SYNE2: variants seen among roughly 807,000 people sequenced by gnomAD.
SYNE2 encodes nesprin-2.
In SYNE2, 431 loss-of-function variants were observed where a neutral mutation model predicts 856.3. The observed-to-expected ratio is 0.50, with a 90% CI of 0.47 to 0.55. The LOEUF is 0.55. Ranked by LOEUF, SYNE2 falls within the 20% of genes least tolerant of loss-of-function variation. SYNE2 has a pLI of 0.00. For synonymous variants in SYNE2, 2,923 were observed against 2,872.3 expected (o/e 1.02, Z -0.56); for missense variants, 8,129 against 8,023.2 (o/e 1.01, Z -0.50).
At position 63,980,714 on chromosome 14, in the gene SYNE2, G is replaced by A. The variant is rs1384422829; in HGVS notation, c.1630G>A (p.Glu544Lys). ...TGATACTTCTTTTCAAAAATGTGGA[G>A]AAATTTATAAGAATTTGGGTAAAGT... ...RLDTSFQKCGEIYKNLAGECQ... is the reference protein window; with the variant it reads ...RLDTSFQKCGKIYKNLAGECQ... The change falls in exon 15 of 116, where the codon GAA becomes AAA. Residue 544 changes from glutamate (E) to lysine (K), a missense_variant. Physicochemically the swap from Glu to Lys is moderately conservative, Grantham distance 56 (BLOSUM62 1). Around this residue, in one of 3 missense-constraint regions of SYNE2, gnomAD observed 2,422 missense variants for 2,357.4 expected, o/e 1.03. Transcript: ENST00000555002. 1 of 1,603,968 alleles carries A rather than the reference G, an allele frequency of 6.2e-7. No individual in the cohort carries two copies. Among genetic ancestry groups the A allele is most frequent in the South Asian group, 1.1e-5 (1 of 90,784 alleles).
intron 1 of SYNE2, among the ~76,000 whole-genome samples, chr14:63,791,311 T>A (rs930238515): frequency 1.3e-5 from 2 of 152,166 alleles, no homozygotes; most frequent in African/African-American, 4.8e-5. Context: ...ATCCTCCTCA[T>A]TACTGTTAGA....
intron 34 of SYNE2, 65 bp downstream of exon 34, chr14:64,017,821 A>G (rs953217759): frequency 9.9e-6 from 15 of 1,517,516 alleles, no homozygotes; most frequent in Non-Finnish European, 1.4e-5. Context: ...TTTTTTATGA[A>G]TATAGTCAAC....
At chr14:64,203,710 C>T (rs1336781925) in intron 100 of SYNE2, among the ~76,000 whole-genome samples, 2 of 152,094 alleles carry the variant, frequency 1.3e-5, no homozygotes, top group African/African-American at 4.8e-5. Context: ...CTTTTGTTCA[C>T]CTGTTTTTCT....
At chr14:63,771,697 G>A (rs1886917915) in intron 1 of SYNE2, among the ~76,000 whole-genome samples, 1 of 152,056 alleles carries the variant, frequency 6.6e-6, no homozygotes, top group Admixed American at 6.5e-5. Context: ...TCAGGAGTTC[G>A]AGACCAGCTG....
intron 1 of SYNE2, among the ~76,000 whole-genome samples, chr14:63,861,594 C>T (rs1009702180): frequency 1.7e-4 from 25 of 147,362 alleles, no homozygotes; most frequent in African/African-American, 6.3e-4. Context: ...AGTTTGAGAC[C>T]AGCCTGGGCA....
chr14:64,024,695 C>G (rs529165226), intron 39 of SYNE2, among the ~76,000 whole-genome samples: 38 of 152,248 alleles, frequency 2.5e-4, no homozygotes, highest in African/African-American at 7.9e-4. Flanking sequence ...GTTTCCTGTT[C>G]TCTATGAGAC....
chr14:64,148,873 G>A (rs984524816), intron 84 of SYNE2, among the ~76,000 whole-genome samples: 1 of 151,946 alleles, frequency 6.6e-6, no homozygotes, highest in Admixed American at 6.6e-5. Flanking sequence ...CAGCATGCCT[G>A]TTATACCTGT....
rs1471410276 is a variant in SYNE2 at position 63,955,015 on chromosome 14, T to G, written c.787+100T>G. The stretch of plus-strand genomic sequence containing the variant: ...ATGAATAAACATAGTGGCACTCTAT[T>G]TTAGTCCTGGAGGGTTTAACTTAAG... On this transcript the variant is annotated intron_variant, in intron 8 of 115. Coordinates refer to ENST00000555002, the MANE Select transcript of SYNE2 (RefSeq NM_182914.3). 3 of 991,482 alleles carry G rather than the reference T, an allele frequency of 3.0e-6. No individual in the cohort carries two copies. The East Asian group carries it at 7.6e-5, about 25-fold the overall frequency. 61.4% of individuals were successfully genotyped at this position (991,482 alleles called of 1,614,324 possible).
chr14:64,011,080 A>G (rs1436135892), intron 32 of SYNE2, among the ~76,000 whole-genome samples: 5 of 152,228 alleles, frequency 3.3e-5, no homozygotes, highest in Non-Finnish European at 5.9e-5. Flanking sequence ...CATCAGTGAA[A>G]GCTTAAATAG....
chr14:64,027,431 T>C, intron 42 of SYNE2, 53 bp from the exon 43 acceptor site: 2 of 1,158,700 alleles, frequency 1.7e-6, no homozygotes, highest in Non-Finnish European at 2.5e-6. Context: ...TGCAAAATGC[T>C]AGTCCATTTT....
chr14:63,943,576 GTTTT>G (rs2095961087), intron 6 of SYNE2, among the ~76,000 whole-genome samples: 1 of 151,622 alleles, frequency 6.6e-6, no homozygotes, highest in Non-Finnish European at 1.5e-5. Flanking sequence ...TAAGTTGTGT[GTTTT>G]TTTTCTGGGA....
At chr14:63,790,408 G>T (rs1887693517) in intron 1 of SYNE2, among the ~76,000 whole-genome samples, 1 of 151,704 alleles carries the variant, frequency 6.6e-6, no homozygotes, top group Non-Finnish European at 1.5e-5. Context: ...AAGAAGGAGT[G>T]CTGTATGTTT....
chr14:63,956,244 C>T (rs1160251796), intron 8 of SYNE2, among the ~76,000 whole-genome samples: 2 of 152,192 alleles, frequency 1.3e-5, no homozygotes. Flanking sequence ...GCAGTACCCA[C>T]ACCATTATAT....
chr14:64,224,702 CTCT>C (rs1192021164), intron 114 of SYNE2, among the ~76,000 whole-genome samples, 155 bp downstream of exon 114: 3 of 152,192 alleles, frequency 2.0e-5, no homozygotes, highest in African/African-American at 7.2e-5. Context: ...CCTCTAGTCA[CTCT>C]TCTTTGGGAT....
At chr14:64,129,623 G>C (rs2097991561) in intron 74 of SYNE2, among the ~76,000 whole-genome samples, 159 bp from the exon 75 acceptor site, 1 of 152,184 alleles carries the variant, frequency 6.6e-6, no homozygotes, top group Non-Finnish European at 1.5e-5. Context: ...TGGGACCTCT[G>C]GCAAGATTGT....
chr14:64,177,262 A>G, intron 95 of SYNE2, 96 bp from the exon 96 acceptor site: 1 of 1,498,372 alleles, frequency 6.7e-7, no homozygotes, highest in Non-Finnish European at 9.2e-7. Flanking sequence ...AAACAAACTT[A>G]ATAGAAAGAT....
In SYNE2 at chr14:64,075,907, C is replaced by T. The variant is rs1489124588; in HGVS notation, c.10867-38C>T. 7 of 1,610,634 alleles carry T rather than the reference C, an allele frequency of 4.3e-6. 1 individual carries two copies. Among genetic ancestry groups the T allele is most frequent in the Middle Eastern group, 3.4e-4 (2 of 5,818 alleles). ...ACTTTTTAGAATTAAACTTTTCCCC[C>T]AGTCTCGTGAGTATTGCAACTCTCT... On this transcript the variant is annotated intron_variant, in intron 53 of 115. Coordinates refer to ENST00000555002, the MANE Select transcript of SYNE2 (RefSeq NM_182914.3).
At chr14:63,992,345 C>G (rs536553250) in intron 21 of SYNE2, among the ~76,000 whole-genome samples, 1 of 152,214 alleles carries the variant, frequency 6.6e-6, no homozygotes, top group South Asian at 2.1e-4. Flanking sequence ...GGTGCTGTCT[C>G]AGCTCACTGC....
chr14:64,112,114 T>C (rs1184269011), intron 65 of SYNE2, among the ~76,000 whole-genome samples: 2 of 152,236 alleles, frequency 1.3e-5, no homozygotes, highest in Non-Finnish European at 2.9e-5. Context: ...TTCTCATGCC[T>C]GACACGTGTT....
Sources: allele counts gnomAD v4.1 joint callset (sites outside exome capture counted in the v4.1 genomes callset), GRCh38; gene constraint gnomAD v4.1.1; regional missense constraint gnomAD v4.1.1; transcripts MANE v1.5; gene names NCBI Gene and HGNC (gene_info 2026-07-23, HGNC 2026-07-21).